Variants in ZNF644 observed in about 807,000 individuals in gnomAD.
The protein encoded by ZNF644 is zinc finger protein 644.
Under a neutral mutation model 108.0 loss-of-function variants are expected in ZNF644, and 20 were observed. The observed-to-expected ratio is 0.19, with a 90% CI of 0.13 to 0.27. The LOEUF is 0.27. ZNF644 is among the 10% of genes least tolerant of loss of function. The pLI, the probability that ZNF644 is intolerant of heterozygous loss-of-function variation, is 1.00. For synonymous variants in ZNF644, 542 were observed against 539.1 expected, an observed-to-expected ratio of 1.01 and a Z score of -0.08; for missense variants, 1,338 against 1,548.9, an observed-to-expected ratio of 0.86 and a Z score of 2.29.
chr1:91,019,734 T>C (rs1210644308), intron 1 of ZNF644, among the ~76,000 whole-genome samples: 1 of 152,044 alleles, frequency 6.6e-6, no homozygotes, highest in African/African-American at 2.4e-5. Context: ...GCCCAGGAAA[T>C]TTTTACATTT....
intron 1 of ZNF644, among the ~76,000 whole-genome samples, chr1:90,993,895 C>T (rs1378823216): frequency 1.3e-5 from 2 of 152,182 alleles, no homozygotes; most frequent in African/African-American, 4.8e-5. Context: ...TCTTCTATTT[C>T]TAATATTGCC....
rs769317289 is a variant in ZNF644, at chr1:90,937,875, G to T, written c.3298C>A (p.Arg1100Ser). 1.2e-6 allele frequency: 2 copies of T among 1,613,774 alleles called. No homozygotes were observed. Among genetic ancestry groups the T allele is most frequent in the Non-Finnish European group, 8.5e-7 (1 of 1,179,838 alleles). Reference sequence around the variant, plus strand: ...GCTACAAATGGTCTGGGAATAATACGACGACTGTTCAATGCCTTTAAGATT... The same window carrying T: ...GCTACAAATGGTCTGGGAATAATACTACGACTGTTCAATGCCTTTAAGATT... Reference protein sequence around the residue: ...EKILKALNSRRIIPRPFVAQK... With the variant: ...EKILKALNSRSIIPRPFVAQK... Residue 1100 changes from arginine to serine, a missense_variant, in exon 4 of 6, where the codon CGT (arginine) becomes AGT (serine). Arg to Ser is a moderately radical substitution (Grantham distance 110, BLOSUM62 -1). Around this residue, in one of 6 missense-constraint regions of ZNF644, gnomAD observed 287 missense variants for 310.9 expected, o/e 0.92. Transcript: ENST00000337393.
chr1:90,948,540 C>T (rs1440751283), intron 2 of ZNF644, among the ~76,000 whole-genome samples: 4 of 152,192 alleles, frequency 2.6e-5, no homozygotes, highest in African/African-American at 4.8e-5. Flanking sequence ...ATACTTAAGT[C>T]CCCGCACTTG....
At chr1:91,010,584 C>T (rs1659872427) in intron 1 of ZNF644, among the ~76,000 whole-genome samples, 1 of 152,044 alleles carries the variant, frequency 6.6e-6, no homozygotes, top group Non-Finnish European at 1.5e-5. Flanking sequence ...AACCTATACA[C>T]ACCACTTCTT....
At chr1:90,944,862 T>C (rs1319714400) in intron 2 of ZNF644, among the ~76,000 whole-genome samples, 4 of 152,226 alleles carry the variant, frequency 2.6e-5, no homozygotes, top group African/African-American at 7.2e-5. Flanking sequence ...TCAAGACTCA[T>C]AGCTGTTGTG....
At position 90,916,251 on chromosome 1, in the gene ZNF644, A is replaced by C. The variant is rs1648754583; in HGVS notation, c.*547T>G. On this transcript the variant is annotated 3_prime_UTR_variant, in exon 6 of 6. Transcript: ENST00000337393. ...AACCGTTCCATGTGATTTTAAAAAAAACACTTACACATCTAGATAGAATAG... is the reference window on the plus strand; with the variant it reads ...AACCGTTCCATGTGATTTTAAAAAACACACTTACACATCTAGATAGAATAG... The C allele has an allele frequency of 6.6e-6, 1 of 152,630 alleles. No individual in the cohort carries two copies. The allele number at this position is 152,630 out of a possible 1,614,324, so 9.5% of individuals were successfully genotyped here. A position where few individuals can be genotyped will look rare whatever the true frequency, so the allele number is the denominator to read the frequency against.
chr1:90,949,553 T>C (rs1557586952), intron 2 of ZNF644, among the ~76,000 whole-genome samples: 1 of 152,116 alleles, frequency 6.6e-6, no homozygotes, highest in Non-Finnish European at 1.5e-5. Flanking sequence ...GCTCTCTCTG[T>C]GGGTTTTGCA....
intron 2 of ZNF644, among the ~76,000 whole-genome samples, chr1:90,977,821 A>T (rs921713605): frequency 6.6e-6 from 1 of 152,190 alleles, no homozygotes; most frequent in African/African-American, 2.4e-5. Flanking sequence ...CCTGAGACTT[A>T]CCTAAATATT....
rs1395363732 is a variant in ZNF644 at position 90,918,167 on chromosome 1, A to G, written c.3689-13T>C. On this transcript the variant is annotated splice_polypyrimidine_tract_variant and intron_variant, in intron 4 of 5. Transcript: ENST00000337393. ...TTACAATCTAAGGCTAAAAAGGGGA[A>G]GAGAAAGACTTAACATTCCTTATAT... The G allele has an allele frequency of 1.2e-6, 2 of 1,601,120 alleles. No individual in the cohort carries two copies. Among genetic ancestry groups the G allele is most frequent in the Non-Finnish European group, 8.6e-7 (1 of 1,168,256 alleles).
chr1:90,986,893 A>G (rs1027600526), intron 1 of ZNF644, among the ~76,000 whole-genome samples: 9 of 151,926 alleles, frequency 5.9e-5, no homozygotes, highest in African/African-American at 1.9e-4. Context: ...AAATCCACAC[A>G]TGTGGAAATT....
intron 1 of ZNF644, among the ~76,000 whole-genome samples, chr1:91,004,477 C>T (rs1659216694): frequency 6.6e-6 from 1 of 152,134 alleles, no homozygotes; most frequent in Non-Finnish European, 1.5e-5. Context: ...GAAATTAAGA[C>T]ATTTACAGAT....
intron 1 of ZNF644, among the ~76,000 whole-genome samples, chr1:91,011,318 C>T (rs1437109891): frequency 6.6e-6 from 1 of 152,096 alleles, no homozygotes; most frequent in African/African-American, 2.4e-5. Flanking sequence ...TTTATAAACT[C>T]GAGCATTCAC....
chr1:90,935,564 C>T (rs1651222960), intron 4 of ZNF644: 1 of 985,696 alleles, frequency 1.0e-6, no homozygotes. Flanking sequence ...ATCCAGTTCT[C>T]ACTTCAAAAA....
chr1:90,994,086 T>C (rs942728628), intron 1 of ZNF644, among the ~76,000 whole-genome samples: 11 of 152,012 alleles, frequency 7.2e-5, no homozygotes, highest in African/African-American at 2.4e-4. Flanking sequence ...ATGGGAGATG[T>C]AGAATGCTTC....
intron 2 of ZNF644, among the ~76,000 whole-genome samples, chr1:90,976,155 G>T (rs1655987013): frequency 6.6e-6 from 1 of 152,092 alleles, no homozygotes; most frequent in Non-Finnish European, 1.5e-5. Context: ...TTTAGTTCAT[G>T]CCCCCTCTGC....
intron 1 of ZNF644, among the ~76,000 whole-genome samples, chr1:91,017,261 G>A (rs1211119522): frequency 6.6e-6 from 1 of 152,200 alleles, no homozygotes; most frequent in African/African-American, 2.4e-5. Flanking sequence ...TAGGCTAACA[G>A]AATTAAGCTT....
chr1:91,003,494 A>C (rs1020443728), intron 1 of ZNF644, among the ~76,000 whole-genome samples: 2 of 151,986 alleles, frequency 1.3e-5, no homozygotes, highest in Non-Finnish European at 2.9e-5. Context: ...GAACACTTGG[A>C]CACAGGAAGG....
At chr1:90,997,602 A>G (rs1388122223) in intron 1 of ZNF644, among the ~76,000 whole-genome samples, 9 of 152,122 alleles carry the variant, frequency 5.9e-5, no homozygotes, top group Non-Finnish European at 1.2e-4. Context: ...GAAAAGGAAC[A>G]GCTCCAGTCT....
In ZNF644 at chr1:90,941,192, GCTCT is replaced by G. The variant is rs1557576095; in HGVS notation, c.158_161del (p.Glu53AlafsTer19). The G allele has an allele frequency of 3.1e-6, 5 of 1,610,532 alleles. No homozygotes were observed. The highest frequency in any genetic ancestry group is 4.2e-6 in the Non-Finnish European group (5 of 1,178,738). On this transcript the variant is annotated frameshift_variant, in exon 3 of 6. Coordinates refer to ENST00000337393, the MANE Select transcript of ZNF644 (RefSeq NM_201269.3). LOFTEE classifies it high-confidence loss of function. Reference sequence around the variant, plus strand: ...GACAATCTTTTGGCTTATGAACTCCGCTCTCTTTGTCTGAGATAAAATTGTTGTC... The same window carrying G: ...GACAATCTTTTGGCTTATGAACTCCGCTTTGTCTGAGATAAAATTGTTGTC...
Sources: allele counts gnomAD v4.1 joint callset (sites outside exome capture counted in the v4.1 genomes callset), GRCh38; gene constraint gnomAD v4.1.1; regional missense constraint gnomAD v4.1.1; transcripts MANE v1.5; gene names NCBI Gene and HGNC (gene_info 2026-07-23, HGNC 2026-07-21).